Variants in MPHOSPH9 observed in about 807,000 individuals in gnomAD.
MPHOSPH9 encodes M-phase phosphoprotein 9.
MPHOSPH9 carries 88 observed loss-of-function variants against 145.5 expected under a neutral mutation model. The ratio of observed to expected loss-of-function variants is 0.60; its 90% CI spans 0.51 to 0.72. The LOEUF is 0.72. Among genes scored for constraint, MPHOSPH9 ranks in the 30% least tolerant of loss-of-function variants. The pLI, the probability that MPHOSPH9 is intolerant of heterozygous loss-of-function variation, is 0.00. For synonymous variants in MPHOSPH9, 435 were observed against 486.2 expected (o/e 0.89, Z 1.39); for missense variants, 1,238 against 1,386.6 (o/e 0.89, Z 1.70).
chr12:123,221,023 C>T (rs1406088830), intron 5 of MPHOSPH9, among the ~76,000 whole-genome samples: 1 of 152,218 alleles, frequency 6.6e-6, no homozygotes, highest in Non-Finnish European at 1.5e-5. Flanking sequence ...CCACTGCACT[C>T]CAGCCTGGGT....
At chr12:123,180,070 A>C (rs112276074) in intron 14 of MPHOSPH9, 80 bp from the exon 15 acceptor site, 1 of 775,384 alleles carries the variant, frequency 1.3e-6, no homozygotes, top group Non-Finnish European at 1.9e-6. Flanking sequence ...AAAGAAAATG[A>C]ATCTAAGGCT....
intron 8 of MPHOSPH9, among the ~76,000 whole-genome samples, chr12:123,207,430 T>G (rs951701351): frequency 6.6e-6 from 1 of 152,220 alleles, no homozygotes; most frequent in Non-Finnish European, 1.5e-5. Flanking sequence ...TTTCCGTCAC[T>G]GAGACTCTGA....
intron 13 of MPHOSPH9, among the ~76,000 whole-genome samples, chr12:123,193,280 AT>A (rs2045794630): frequency 6.6e-6 from 1 of 151,806 alleles, no homozygotes; most frequent in African/African-American, 2.4e-5. Flanking sequence ...AGAGTGCAAT[AT>A]AAGAATATTA....
At chr12:123,178,258 C>T (rs2044971753) in intron 15 of MPHOSPH9, among the ~76,000 whole-genome samples, 1 of 152,196 alleles carries the variant, frequency 6.6e-6, no homozygotes, top group South Asian at 2.1e-4. Flanking sequence ...AACTCGAATT[C>T]TTACCTACTT....
chr12:123,185,086 G>A (rs2045381783), intron 13 of MPHOSPH9, among the ~76,000 whole-genome samples: 1 of 152,066 alleles, frequency 6.6e-6, no homozygotes. Context: ...TTATAGGCGT[G>A]AGCCACCACA....
chr12:123,202,440 C>T, intron 10 of MPHOSPH9, 121 bp from the exon 11 acceptor site: 3 of 1,229,726 alleles, frequency 2.4e-6, no homozygotes, highest in Non-Finnish European at 3.4e-6. Flanking sequence ...CCTTTGCATA[C>T]TACAAAATAT....
Position 123,160,862 on chromosome 12 carries a change from G to GA in MPHOSPH9, c.3382-14dup, listed in dbSNP as rs925897346. 4 of 1,610,554 alleles carry GA rather than the reference G, an allele frequency of 2.5e-6. No homozygotes were observed. In the South Asian group the frequency reaches 3.3e-5, roughly 13 times the overall value. On this transcript the variant is annotated splice_polypyrimidine_tract_variant and intron_variant, in intron 22 of 23. Transcript: ENST00000606320. Reference sequence around the variant, plus strand: ...GTGCTGCCTCAATCTGTTAACACACGAAAAAAATATGTTTAAATTACTGGC... The same window carrying GA: ...GTGCTGCCTCAATCTGTTAACACACGAAAAAAAATATGTTTAAATTACTGGC...
At chr12:123,189,002 C>A (rs2045566492) in intron 13 of MPHOSPH9, among the ~76,000 whole-genome samples, 1 of 152,158 alleles carries the variant, frequency 6.6e-6, no homozygotes, top group Non-Finnish European at 1.5e-5. Context: ...TGCCACTACA[C>A]TCCAGCTTGA....
intron 15 of MPHOSPH9, among the ~76,000 whole-genome samples, chr12:123,177,131 A>T (rs2044909749): frequency 6.6e-6 from 1 of 152,114 alleles, no homozygotes; most frequent in East Asian, 1.9e-4. Flanking sequence ...TGGATATTGC[A>T]GTGAGCCGAG....
chr12:123,178,921 C>T (rs543428280), intron 15 of MPHOSPH9, among the ~76,000 whole-genome samples: 2 of 152,324 alleles, frequency 1.3e-5, no homozygotes, highest in Middle Eastern at 3.4e-3. Context: ...AGTCTCCAAC[C>T]GGTCTTTCTG....
intron 13 of MPHOSPH9, among the ~76,000 whole-genome samples, chr12:123,182,703 G>A (rs2138118129): frequency 6.6e-6 from 1 of 151,670 alleles, no homozygotes; most frequent in South Asian, 2.1e-4. Context: ...CTTGAGGTCA[G>A]GAGTTCGAGA....
At chr12:123,205,561 C>T (rs549841546) in intron 8 of MPHOSPH9, among the ~76,000 whole-genome samples, 105 of 151,996 alleles carry the variant, frequency 6.9e-4, no homozygotes, top group African/African-American at 2.2e-3. Context: ...AAAAAAAGTA[C>T]CACAATTCCC....
At chr12:123,196,652 G>A (rs2138281760) in intron 12 of MPHOSPH9, among the ~76,000 whole-genome samples, 1 of 152,212 alleles carries the variant, frequency 6.6e-6, no homozygotes, top group South Asian at 2.1e-4. Context: ...AAAAGTTTAT[G>A]CACTTTTAGT....
rs1388164412 is a variant in MPHOSPH9, at chr12:123,159,060, C to G, written c.3450+1721G>C. Reference sequence around the variant, plus strand: ...GAGCCGAGATTGCGTCACTGCGCTCCAGCCTGGTGACACAGCGAGACTCCG... The same window carrying G: ...GAGCCGAGATTGCGTCACTGCGCTCGAGCCTGGTGACACAGCGAGACTCCG... On this transcript the variant is annotated intron_variant, in intron 23 of 23. Transcript: ENST00000606320. This position sits in a 1 kb window ranked among gnomAD's most constrained non-coding sequence, Gnocchi z 4.3. Among the ~76,000 whole-genome samples, 1 of 152,192 alleles carries G rather than the reference C, an allele frequency of 6.6e-6. No individual in the cohort carries two copies. Among genetic ancestry groups the G allele is most frequent in the Non-Finnish European group, 1.5e-5 (1 of 68,030 alleles).
chr12:123,210,977 CTTTTTT>C (rs907442708), intron 7 of MPHOSPH9, among the ~76,000 whole-genome samples: 3 of 89,766 alleles, frequency 3.3e-5, no homozygotes, highest in East Asian at 2.6e-4. Flanking sequence ...TTTGTTTTTT[CTTTTTT>C]TTTTTTTTTT....
intron 3 of MPHOSPH9, chr12:123,226,463 A>C: frequency 3.7e-6 from 1 of 271,140 alleles, no homozygotes; most frequent in Non-Finnish European, 6.1e-6. Context: ...AAACTATCAA[A>C]TCCAGCCTTA....
At chr12:123,238,370 T>C (rs1327064301) in intron 1 of MPHOSPH9, among the ~76,000 whole-genome samples, 3 of 152,174 alleles carry the variant, frequency 2.0e-5, no homozygotes, top group Non-Finnish European at 2.9e-5. Flanking sequence ...TATTAGGTCA[T>C]TGTTTTGAGA....
intron 13 of MPHOSPH9, among the ~76,000 whole-genome samples, chr12:123,190,630 G>T (rs535992516): frequency 1.3e-5 from 2 of 151,892 alleles, no homozygotes; most frequent in East Asian, 3.9e-4. Context: ...AAACCAGGTT[G>T]CAGCAGGATA....
Position 123,159,181 on chromosome 12 carries a change from C to T in MPHOSPH9, c.3450+1600G>A, listed in dbSNP as rs1342686907. Among the ~76,000 whole-genome samples the T allele has an allele frequency of 1.3e-5, 2 of 152,050 alleles. No individual in the cohort carries two copies. Among genetic ancestry groups the T allele is most frequent in the East Asian group, 3.9e-4 (2 of 5,148 alleles). ...GGTATTTTTTTTTATTATTCTTTTT[C>T]AGAGACGGAGTCTTGCTCTGTCACC... On this transcript the variant is annotated intron_variant, in intron 23 of 23. Transcript: ENST00000606320. This position sits in a 1 kb window ranked among gnomAD's most constrained non-coding sequence, Gnocchi z 4.3.
Sources: gnomAD v4.1 joint callset for allele counts (sites outside exome capture counted in the v4.1 genomes callset) on GRCh38, gnomAD v4.1.1 for gene constraint, Gnocchi (gnomAD v3.1) non-coding constraint, MANE v1.5 for transcripts, NCBI Gene and HGNC (gene_info 2026-07-23, HGNC 2026-07-21) for gene names.